DSCAML1: variants seen among roughly 807,000 people sequenced by gnomAD.
DSCAML1 encodes DS cell adhesion molecule like 1, also known as cell adhesion molecule DSCAML1.
DSCAML1 carries 38 observed loss-of-function variants against 200.5 expected under a neutral mutation model. That is an observed-to-expected ratio of 0.19 (90% CI 0.15 to 0.25). The LOEUF is 0.25. DSCAML1 is among the 10% of genes least tolerant of loss of function. The probability of loss-of-function intolerance (pLI) is 1.00; values close to 1 mark genes in which losing one functional copy is unlikely to be tolerated. For missense variants in DSCAML1, 2,223 were observed against 2,858.8 expected, an observed-to-expected ratio of 0.78 and a Z score of 5.07; for synonymous variants, 1,215 against 1,165.0, an observed-to-expected ratio of 1.04 and a Z score of -0.87.
At chr11:117,637,801 C>T (rs944143153) in intron 3 of DSCAML1, among the ~76,000 whole-genome samples, 6 of 152,182 alleles carry the variant, frequency 3.9e-5, no homozygotes, top group Non-Finnish European at 5.9e-5. Flanking sequence ...ATGGCTTCCC[C>T]CCAAAAGCCA....
intron 26 of DSCAML1, among the ~76,000 whole-genome samples, chr11:117,436,654 C>G (rs1197329639): frequency 6.6e-6 from 1 of 152,108 alleles, no homozygotes; most frequent in African/African-American, 2.4e-5. Flanking sequence ...CCACTCAACC[C>G]TCGCAGGACT....
At chr11:117,599,766 A>C (rs144313131) in intron 3 of DSCAML1, among the ~76,000 whole-genome samples, 1 of 152,216 alleles carries the variant, frequency 6.6e-6, no homozygotes, top group African/African-American at 2.4e-5. Context: ...GAAAATGGGC[A>C]TACAGTGCAC....
At chr11:117,637,656 G>T (rs1356603383) in intron 3 of DSCAML1, among the ~76,000 whole-genome samples, 1 of 152,090 alleles carries the variant, frequency 6.6e-6, no homozygotes, top group African/African-American at 2.4e-5. Context: ...TCAATAAGTA[G>T]ATTAAAAAGA....
At chr11:117,811,428 A>T (rs181198735) in intron 1 of DSCAML1, among the ~76,000 whole-genome samples, 30 of 152,352 alleles carry the variant, frequency 2.0e-4, no homozygotes, top group African/African-American at 7.2e-4. Flanking sequence ...TAATAAAAAA[A>T]GTTGCAATTC....
intron 3 of DSCAML1, among the ~76,000 whole-genome samples, chr11:117,673,811 C>T (rs1195162856): frequency 2.0e-5 from 3 of 152,236 alleles, no homozygotes; most frequent in Non-Finnish European, 4.4e-5. Flanking sequence ...TATTACACTT[C>T]ATTCCGGACA....
chr11:117,637,331 T>C (rs948994990), intron 3 of DSCAML1, among the ~76,000 whole-genome samples: 3 of 151,746 alleles, frequency 2.0e-5, no homozygotes, highest in Non-Finnish European at 4.4e-5. Context: ...TTGTGCATAG[T>C]AGGTGCTCAA....
intron 1 of DSCAML1, among the ~76,000 whole-genome samples, chr11:117,792,021 C>T (rs2055475695): frequency 6.6e-6 from 1 of 152,198 alleles, no homozygotes; most frequent in African/African-American, 2.4e-5. Context: ...GCCTTGACTC[C>T]AAATTTCTAC....
chr11:117,612,176 G>A (rs760310807), intron 3 of DSCAML1, among the ~76,000 whole-genome samples: 9 of 152,182 alleles, frequency 5.9e-5, no homozygotes, highest in African/African-American at 9.7e-5. Flanking sequence ...AAGTTAAAAA[G>A]GCCCACTTGG....
chr11:117,789,701 C>G (rs920086735), intron 1 of DSCAML1, among the ~76,000 whole-genome samples: 1 of 152,162 alleles, frequency 6.6e-6, no homozygotes, highest in Admixed American at 6.5e-5. Flanking sequence ...ATCTGCCTAT[C>G]ACAGTCGCAG....
Position 117,518,677 on chromosome 11 carries a change from G to A in DSCAML1, c.1299C>T (p.Gly433=), listed in dbSNP as rs767895487. ...CCCAGGTGACCGTGGGGGGCGGGGCGCCCTTGGCCGCACACATCAGTGAGA... is the reference window on the plus strand; with the variant it reads ...CCCAGGTGACCGTGGGGGGCGGGGCACCCTTGGCCGCACACATCAGTGAGA... ...EQFSLMCAAK[G]APPPTVTWAL... Residue 433 remains glycine, a synonymous_variant, in exon 7 of 33, where the codon GGC becomes GGT. Transcript: ENST00000651296. This position sits in a 1 kb window ranked among gnomAD's most constrained non-coding sequence, Gnocchi z 6.3. 63 of 1,613,050 alleles carry A rather than the reference G, an allele frequency of 3.9e-5. No individual in the cohort carries two copies. The highest frequency in any genetic ancestry group is 4.4e-5 in the Non-Finnish European group (52 of 1,179,954).
intron 3 of DSCAML1, among the ~76,000 whole-genome samples, chr11:117,582,403 G>T (rs2051055669): frequency 1.3e-5 from 2 of 152,208 alleles, no homozygotes; most frequent in Non-Finnish European, 2.9e-5. Flanking sequence ...AAGGATCTTG[G>T]CTGGTTGAGA....
intron 3 of DSCAML1, among the ~76,000 whole-genome samples, chr11:117,664,856 T>C (rs1354866575): frequency 6.6e-6 from 1 of 152,230 alleles, no homozygotes; most frequent in Non-Finnish European, 1.5e-5. Context: ...TGGCTTTGCC[T>C]TAGCTGAACA....
intron 3 of DSCAML1, among the ~76,000 whole-genome samples, chr11:117,596,953 T>C (rs2051371716): frequency 6.6e-6 from 1 of 152,220 alleles, no homozygotes; most frequent in Admixed American, 6.5e-5. Context: ...TTCCTGAATT[T>C]GTCCCTGCGG....
At chr11:117,565,949 C>G (rs1273161821) in intron 3 of DSCAML1, among the ~76,000 whole-genome samples, 3 of 152,204 alleles carry the variant, frequency 2.0e-5, no homozygotes, top group Non-Finnish European at 4.4e-5. Flanking sequence ...ACAACTGTCT[C>G]CCCCCTCCCT....
chr11:117,589,959 T>C (rs2051225611), intron 3 of DSCAML1, among the ~76,000 whole-genome samples: 1 of 152,196 alleles, frequency 6.6e-6, no homozygotes, highest in African/African-American at 2.4e-5. Flanking sequence ...GTTTCAAATC[T>C]TCTATTCCCT....
At chr11:117,520,176 GC>G (rs1461541839) in intron 6 of DSCAML1, among the ~76,000 whole-genome samples, 1 of 152,230 alleles carries the variant, frequency 6.6e-6, no homozygotes, top group Non-Finnish European at 1.5e-5. Flanking sequence ...ACAGCCCAGT[GC>G]CAGGGCTGAT....
chr11:117,577,863 G>A (rs1027941666), intron 3 of DSCAML1, among the ~76,000 whole-genome samples: 2 of 149,412 alleles, frequency 1.3e-5, no homozygotes, highest in African/African-American at 4.9e-5. Context: ...CACCACTCCC[G>A]GCCCTAAGCA....
intron 8 of DSCAML1, among the ~76,000 whole-genome samples, chr11:117,513,089 G>C (rs1244413152): frequency 6.6e-6 from 1 of 152,178 alleles, no homozygotes; most frequent in African/African-American, 2.4e-5. Context: ...GCAAAGGTTA[G>C]ATGTTTTAAT....
chr11:117,544,509 C>T (rs894282391), intron 3 of DSCAML1, among the ~76,000 whole-genome samples: 9 of 152,146 alleles, frequency 5.9e-5, no homozygotes, highest in African/African-American at 1.9e-4. Context: ...CAAGTCAAGG[C>T]GGACTCTGCA....
Sources: allele counts gnomAD v4.1 joint callset (sites outside exome capture counted in the v4.1 genomes callset), GRCh38; gene constraint gnomAD v4.1.1; non-coding constraint Gnocchi (gnomAD v3.1); transcripts MANE v1.5; gene names NCBI Gene and HGNC (gene_info 2026-07-23, HGNC 2026-07-21).